SVIL: variants seen among roughly 807,000 people sequenced by gnomAD.
SVIL encodes the protein supervillin.
A neutral mutation model predicts 240.4 loss-of-function variants in SVIL; 101 were observed. The observed-to-expected ratio is 0.42, with a 90% CI of 0.36 to 0.50. The LOEUF is 0.50. SVIL is among the 20% of genes least tolerant of loss of function. The pLI, the probability that SVIL is intolerant of heterozygous loss-of-function variation, is 0.01. For missense variants in SVIL, 2,512 were observed against 2,818.7 expected (o/e 0.89, Z 2.46); for synonymous variants, 999 against 1,100.0 (o/e 0.91, Z 1.82).
intron 1 of SVIL, among the ~76,000 whole-genome samples, chr10:29,574,193 A>C (rs1443033435): frequency 6.6e-6 from 1 of 152,182 alleles, no homozygotes; most frequent in Non-Finnish European, 1.5e-5. Flanking sequence ...AATATTTTTA[A>C]GGCTGTAATC....
Position 29,481,168 on chromosome 10 carries a change from T to TGTGTG in SVIL, c.5101-356_5101-355insCACAC, listed in dbSNP as rs66830131. Among the ~76,000 whole-genome samples the TGTGTG allele has an allele frequency of 1.1e-3, 123 of 109,666 alleles. 1 individual carries two copies. Among genetic ancestry groups the TGTGTG allele is most frequent in the South Asian group, 3.5e-3 (11 of 3,170 alleles). 71.9% of individuals were successfully genotyped at this position (109,666 alleles called of 152,430 possible). On this transcript the variant is annotated intron_variant, in intron 28 of 37. Coordinates refer to ENST00000355867, the MANE Select transcript of SVIL (RefSeq NM_021738.3). ...TGTGTGTGTGTGTGTGTGTGTGTGT[T>TGTGTG]TGTTTGTGTGTCTGTGTGTCCATGG...
chr10:29,571,581 C>T (rs1025009839), intron 1 of SVIL, among the ~76,000 whole-genome samples: 5 of 152,156 alleles, frequency 3.3e-5, no homozygotes, highest in African/African-American at 7.2e-5. Flanking sequence ...ATGAGTGAAA[C>T]TGTGGGAAAA....
intron 1 of SVIL, among the ~76,000 whole-genome samples, chr10:29,731,853 C>T (rs1964639011): frequency 6.6e-6 from 1 of 152,212 alleles, no homozygotes; most frequent in South Asian, 2.1e-4. Flanking sequence ...GTTGCCCCAG[C>T]AGCTGGCAAG....
chr10:29,567,600 G>A (rs546908885), intron 2 of SVIL, among the ~76,000 whole-genome samples: 4 of 152,172 alleles, frequency 2.6e-5, no homozygotes, highest in Admixed American at 1.3e-4. Context: ...GTCCACTGAC[G>A]TGTGTGACTT....
At chr10:29,574,713 C>T (rs73596056) in intron 1 of SVIL, among the ~76,000 whole-genome samples, 7,611 of 152,242 alleles carry the variant, frequency 0.05, 609 homozygotes, top group African/African-American at 0.17. Context: ...ACAAGAGAAC[C>T]GGGGCCACTG....
chr10:29,672,580 C>T lies in SVIL; in HGVS notation c.-301+13973G>A, dbSNP rs150543093. Among the ~76,000 whole-genome samples, 93 of 152,280 alleles carry T rather than the reference C, an allele frequency of 6.1e-4. No homozygotes were observed. In the South Asian group the frequency reaches 0.011, roughly 17 times the overall value. Reference sequence around the variant, plus strand: ...GGGTAAAAATTAAATAATAAAATTACGCACATAAGTGCCCAGCATGGTGCC... The same window carrying T: ...GGGTAAAAATTAAATAATAAAATTATGCACATAAGTGCCCAGCATGGTGCC... On this transcript the variant is annotated intron_variant, in intron 2 of 35. Transcript: ENST00000375400.
rs545107940 is a variant in SVIL, at chr10:29,660,523, G to A, written c.-300-2455C>T. ...CTAGGGAGGCTGAGGTGGGAGGATC[G>A]CTTGAGCCTGGGAGGTGGAGGCTGC... On this transcript the variant is annotated intron_variant, in intron 2 of 35. Transcript: ENST00000375400. Among the ~76,000 whole-genome samples the A allele has an allele frequency of 6.1e-4, 93 of 151,990 alleles. 1 individual carries two copies. The South Asian group carries it at 0.015, about 24-fold the overall frequency.
rs779601034 is a variant in SVIL at position 29,550,850 on chromosome 10, C to A, written c.574G>T (p.Gly192Cys). ...AGCAGCACCTCCGGGTCGGAAGAGC[C>A]GTCACCCACATGGAGGGCATAGTCC... Reference protein sequence around the residue: ...SKDYALHVGDGSSDPEVLLNI... With the variant: ...SKDYALHVGDCSSDPEVLLNI... The change falls in exon 6 of 38, where the codon GGC (glycine) becomes TGC (cysteine). Residue 192 changes from glycine to cysteine, a missense_variant. Physicochemically the swap from Gly to Cys is radical, Grantham distance 159. Coordinates refer to ENST00000355867, the MANE Select transcript of SVIL (RefSeq NM_021738.3). 2.5e-6 allele frequency: 4 copies of A among 1,613,904 alleles called. No individual in the cohort carries two copies. The highest frequency in any genetic ancestry group is 3.4e-6 in the Non-Finnish European group (4 of 1,179,988).
At chr10:29,529,625 T>G in intron 12 of SVIL, 80 bp downstream of exon 12, 1 of 1,452,940 alleles carries the variant, frequency 6.9e-7, no homozygotes, top group South Asian at 1.5e-5. Context: ...CAATGCCTCA[T>G]TTTCATTGAA....
Position 29,506,743 on chromosome 10 carries a change from G to A in SVIL, c.3516+5992C>T, listed in dbSNP as rs1256908920. On this transcript the variant is annotated intron_variant, in intron 17 of 37. Coordinates refer to ENST00000355867, the MANE Select transcript of SVIL (RefSeq NM_021738.3). ...AGACTCTACGAAGGAGGGGACAGAG[G>A]CCCTAGAGGGAGGGGACAGAGGCCC... Among the ~76,000 whole-genome samples the A allele has an allele frequency of 1.4e-4, 21 of 144,954 alleles. 1 individual carries two copies. Among genetic ancestry groups the A allele is most frequent in the South Asian group, 6.7e-4 (3 of 4,446 alleles).
At chr10:29,604,410 C>T (rs1956939722) in intron 1 of SVIL, among the ~76,000 whole-genome samples, 1 of 114,484 alleles carries the variant, frequency 8.7e-6, no homozygotes, top group Admixed American at 1.2e-4. Flanking sequence ...TAGTAAGAGA[C>T]AGGGTTTTGC....
At chr10:29,670,909 G>A (rs1026980031) in intron 2 of SVIL, 2 of 152,170 alleles carry the variant, frequency 1.3e-5, no homozygotes, top group Admixed American at 6.5e-5. Context: ...AGTAACTGTG[G>A]CTGGCTAACA....
chr10:29,540,932 TGA>T (rs1952103848), intron 6 of SVIL, among the ~76,000 whole-genome samples: 1 of 152,208 alleles, frequency 6.6e-6, no homozygotes, highest in South Asian at 2.1e-4. Context: ...ATCATAATAC[TGA>T]GGGGTTGGCA....
intron 1 of SVIL, among the ~76,000 whole-genome samples, chr10:29,621,921 T>A (rs951285681): frequency 1.1e-4 from 16 of 152,056 alleles, no homozygotes; most frequent in Admixed American, 3.3e-4. Flanking sequence ...CACGTAGACA[T>A]ACACAAACAT....
At chr10:29,564,088 A>C (rs1050636521) in intron 2 of SVIL, among the ~76,000 whole-genome samples, 2 of 151,942 alleles carry the variant, frequency 1.3e-5, no homozygotes, top group Admixed American at 6.6e-5. Flanking sequence ...GCCCTGCAAA[A>C]AGCACCTGCT....
chr10:29,526,931 G>A (rs1950962325), intron 13 of SVIL, 30 bp downstream of exon 13: 3 of 1,508,604 alleles, frequency 2.0e-6, no homozygotes, highest in Non-Finnish European at 2.7e-6. Flanking sequence ...TTTGCACCGG[G>A]TGCCGCATGC....
intron 3 of SVIL, chr10:29,644,100 A>G: frequency 2.1e-6 from 1 of 473,812 alleles, no homozygotes; most frequent in South Asian, 1.5e-5. Flanking sequence ...GTCTGCTGTC[A>G]AGCAGCAGCT....
intron 16 of SVIL, among the ~76,000 whole-genome samples, chr10:29,514,141 T>C (rs1055024403): frequency 6.7e-6 from 1 of 149,922 alleles, no homozygotes; most frequent in Non-Finnish European, 1.5e-5. Context: ...AATCCACAAA[T>C]GGTATAAATA....
intron 1 of SVIL, among the ~76,000 whole-genome samples, chr10:29,579,441 AAAACAAAACAAAC>A (rs906750257): frequency 6.6e-6 from 1 of 151,936 alleles, no homozygotes; most frequent in South Asian, 2.1e-4. Context: ...CCGTCTCAAA[AAAACAAAACAAAC>A]AAACAAAACA....
Sources: gnomAD v4.1 joint callset for allele counts (sites outside exome capture counted in the v4.1 genomes callset) on GRCh38, gnomAD v4.1.1 for gene constraint, MANE v1.5 for transcripts, NCBI Gene and HGNC (gene_info 2026-07-23, HGNC 2026-07-21) for gene names.